WBP1L: variants seen among roughly 807,000 people sequenced by gnomAD.
The protein encoded by WBP1L is WW domain binding protein 1 like.
A neutral mutation model predicts 33.7 loss-of-function variants in WBP1L; 17 were observed. That is an observed-to-expected ratio of 0.50 (90% CI 0.34 to 0.76). The LOEUF is 0.76. WBP1L is among the 30% of genes least tolerant of loss of function. The pLI, the probability that WBP1L is intolerant of heterozygous loss-of-function variation, is 0.01. For synonymous variants in WBP1L, 173 were observed against 190.8 expected (o/e 0.91, Z 0.77); for missense variants, 389 against 469.4 (o/e 0.83, Z 1.58).
chr10:102,788,486 C>G (rs1003547851), intron 1 of WBP1L, among the ~76,000 whole-genome samples: 1 of 152,104 alleles, frequency 6.6e-6, no homozygotes, highest in Non-Finnish European at 1.5e-5. Context: ...TTACCACCTA[C>G]AAATATGTTT....
chr10:102,744,577 G>A, intron 1 of WBP1L: 1 of 818,490 alleles, frequency 1.2e-6, no homozygotes, highest in Non-Finnish European at 1.5e-6. Flanking sequence ...CTTTAAGGAT[G>A]GACTGGGGAA....
chr10:102,790,362 T>C (rs1460237808), intron 1 of WBP1L, among the ~76,000 whole-genome samples: 1 of 152,224 alleles, frequency 6.6e-6, no homozygotes, highest in African/African-American at 2.4e-5. Context: ...TTTTTGGCTT[T>C]AATCATTTGA....
chr10:102,813,346 G>A lies in WBP1L; in HGVS notation c.*15G>A, dbSNP rs760642936. 1.3e-6 allele frequency: 2 copies of A among 1,588,650 alleles called. No individual in the cohort carries two copies. Among genetic ancestry groups the A allele is most frequent in the Non-Finnish European group, 1.7e-6 (2 of 1,165,442 alleles). Reference sequence around the variant, plus strand: ...CCCCCAGCTAGAGCAGGTCCTGCCAGCACCCAGCAACTTGGCAAAGCAACC... The same window carrying A: ...CCCCCAGCTAGAGCAGGTCCTGCCAACACCCAGCAACTTGGCAAAGCAACC... On this transcript the variant is annotated 3_prime_UTR_variant, in exon 4 of 4. Coordinates refer to ENST00000448841, the MANE Select transcript of WBP1L (RefSeq NM_001083913.2).
At chr10:102,801,728 G>A (rs917946812) in intron 2 of WBP1L, among the ~76,000 whole-genome samples, 3 of 152,138 alleles carry the variant, frequency 2.0e-5, no homozygotes, top group African/African-American at 7.2e-5. Flanking sequence ...TTAGGAGGGA[G>A]AGGGGTATGT....
At chr10:102,746,199 T>C (rs1842862800) in intron 1 of WBP1L, 2 of 982,784 alleles carry the variant, frequency 2.0e-6, no homozygotes, top group Non-Finnish European at 2.4e-6. Flanking sequence ...GGAAGGGGAT[T>C]GTTAATGTTA....
intron 1 of WBP1L, among the ~76,000 whole-genome samples, chr10:102,754,797 T>G (rs1361681117): frequency 6.6e-6 from 1 of 151,218 alleles, no homozygotes; most frequent in Non-Finnish European, 1.5e-5. Context: ...TTCGAACTCC[T>G]GGGCTAAAGC....
chr10:102,786,919 G>A lies in WBP1L; in HGVS notation c.91-11074G>A, dbSNP rs186513192. Among the ~76,000 whole-genome samples the A allele has an allele frequency of 2.6e-5, 4 of 152,326 alleles. No individual in the cohort carries two copies. The East Asian group carries it at 7.7e-4, about 29-fold the overall frequency. Reference sequence around the variant, plus strand: ...GGGTACTCTATAGCTAAAGCATGGGGGACTGGGTCCTCTTAAGCCCAGGGA... The same window carrying A: ...GGGTACTCTATAGCTAAAGCATGGGAGACTGGGTCCTCTTAAGCCCAGGGA... On this transcript the variant is annotated intron_variant, in intron 1 of 3. Transcript: ENST00000448841.
chr10:102,798,216 A>ACCCATAAACAGATTCCAC, intron 2 of WBP1L, 121 bp downstream of exon 2: 2 of 783,170 alleles, frequency 2.6e-6, no homozygotes, highest in Non-Finnish European at 4.2e-6. Context: ...GGTGAGTGGA[A>ACCCATAAACAGATTCCAC]TCTGTTTATG....
At chr10:102,800,304 G>A (rs1843637655) in intron 2 of WBP1L, among the ~76,000 whole-genome samples, 1 of 152,250 alleles carries the variant, frequency 6.6e-6, no homozygotes, top group African/African-American at 2.4e-5. Context: ...AAGGAACGAA[G>A]TTGCTCATGG....
chr10:102,744,593 C>A, intron 1 of WBP1L: 1 of 684,044 alleles, frequency 1.5e-6, no homozygotes, highest in Non-Finnish European at 1.8e-6. Context: ...GGGAAAGTTC[C>A]GAGGGCATCT....
chr10:102,777,318 C>T (rs933269555), intron 1 of WBP1L, among the ~76,000 whole-genome samples: 1 of 152,130 alleles, frequency 6.6e-6, no homozygotes, highest in Non-Finnish European at 1.5e-5. Flanking sequence ...CACAGATGAG[C>T]TCACAGCAGA....
At chr10:102,762,637 G>A (rs1353528774) in intron 1 of WBP1L, among the ~76,000 whole-genome samples, 1 of 152,184 alleles carries the variant, frequency 6.6e-6, no homozygotes, top group Non-Finnish European at 1.5e-5. Flanking sequence ...AGTGGATAAA[G>A]TGAAAGATTA....
chr10:102,784,527 G>A (rs1184363949), intron 1 of WBP1L, among the ~76,000 whole-genome samples: 1 of 146,110 alleles, frequency 6.8e-6, no homozygotes, highest in African/African-American at 2.5e-5. Flanking sequence ...CTGGGTTCAC[G>A]CCTTTCTCCT....
At chr10:102,805,454 T>A (rs943619816) in intron 2 of WBP1L, among the ~76,000 whole-genome samples, 3 of 151,964 alleles carry the variant, frequency 2.0e-5, no homozygotes, top group South Asian at 2.1e-4. Flanking sequence ...TTTTTTTTTT[T>A]AGAGATGGGA....
rs924874271 is a variant in WBP1L at position 102,814,817 on chromosome 10, A to C, written c.*1486A>C. 3 of 152,264 alleles carry C rather than the reference A, an allele frequency of 2.0e-5. No individual in the cohort carries two copies. Among genetic ancestry groups the C allele is most frequent in the African/African-American group, 7.3e-5 (3 of 41,292 alleles). The allele number at this position is 152,264 out of a possible 1,614,324, so 9.4% of individuals were successfully genotyped here. A position where few individuals can be genotyped will look rare whatever the true frequency, so the allele number is the denominator to read the frequency against. The stretch of plus-strand genomic sequence containing the variant: ...TGCATATGAAGTCTTTCTTCCCCCA[A>C]CTCTTGAACGATGATGATATTCAGA... On this transcript the variant is annotated 3_prime_UTR_variant, in exon 4 of 4. Coordinates refer to ENST00000448841, the MANE Select transcript of WBP1L (RefSeq NM_001083913.2).
chr10:102,781,649 G>A (rs1259065558), intron 1 of WBP1L, among the ~76,000 whole-genome samples: 3 of 152,114 alleles, frequency 2.0e-5, no homozygotes, highest in Non-Finnish European at 4.4e-5. Flanking sequence ...ACCAGGTTGA[G>A]GACAAATTAA....
At chr10:102,775,117 CAAAAAAAA>C (rs59486422) in intron 1 of WBP1L, among the ~76,000 whole-genome samples, 2,752 of 97,364 alleles carry the variant, frequency 0.028, 100 homozygotes, top group African/African-American at 0.11. Flanking sequence ...GACCCTATCT[CAAAAAAAA>C]AAAAAAAAAA....
intron 1 of WBP1L, among the ~76,000 whole-genome samples, chr10:102,789,576 G>A (rs960532237): frequency 1.3e-5 from 2 of 151,838 alleles, no homozygotes; most frequent in East Asian, 1.9e-4. Context: ...TCTCATTATC[G>A]TGTTTTATTA....
At chr10:102,805,469 G>A (rs770198341) in intron 2 of WBP1L, among the ~76,000 whole-genome samples, 16 of 151,106 alleles carry the variant, frequency 1.1e-4, no homozygotes, top group Non-Finnish European at 1.9e-4. Context: ...ATGGGATCTC[G>A]CTGTGTTACC....
Sources: allele counts gnomAD v4.1 joint callset (sites outside exome capture counted in the v4.1 genomes callset), GRCh38; gene constraint gnomAD v4.1.1; transcripts MANE v1.5; gene names NCBI Gene and HGNC (gene_info 2026-07-23, HGNC 2026-07-21).